ANK2: variants seen among roughly 807,000 people sequenced by gnomAD.
The protein encoded by ANK2 is ankyrin-2.
A neutral mutation model predicts 360.5 loss-of-function variants in ANK2; 83 were observed. That is an observed-to-expected ratio of 0.23 (90% CI 0.19 to 0.28). ANK2 has a LOEUF of 0.28. ANK2 is among the 10% of genes least tolerant of loss of function. ANK2 has a pLI of 1.00. For missense variants in ANK2, 4,201 were observed against 4,795.7 expected (o/e 0.88, Z 3.66); for synonymous variants, 1,740 against 1,759.5 (o/e 0.99, Z 0.28).
chr4:112,758,199 C>A, the ANK2 span, among the ~76,000 whole-genome samples: 1 of 151,906 alleles, frequency 6.6e-6, no homozygotes. Flanking sequence ...CGCGTCCGGC[C>A]AAGATGGATT....
chr4:113,321,832 A>C (rs2086464161), intron 26 of ANK2, among the ~76,000 whole-genome samples: 1 of 152,182 alleles, frequency 6.6e-6, no homozygotes, highest in African/African-American at 2.4e-5. Context: ...TCCCGGGTTC[A>C]AGTGATTCTC....
the ANK2 span, among the ~76,000 whole-genome samples, chr4:112,796,508 C>G: frequency 6.8e-6 from 1 of 147,696 alleles, no homozygotes; most frequent in Non-Finnish European, 1.5e-5. Context: ...ACCTTTTTAA[C>G]TATTAAATTT....
At chr4:113,350,355 CA>C (rs2095327831) in intron 37 of ANK2, 106 bp downstream of exon 37, 3 of 901,826 alleles carry the variant, frequency 3.3e-6, no homozygotes, top group African/African-American at 1.7e-5. Flanking sequence ...ATAGTAATTA[CA>C]TTTTTATATT....
chr4:112,764,544 C>G, the ANK2 span, among the ~76,000 whole-genome samples: 2 of 151,978 alleles, frequency 1.3e-5, no homozygotes, highest in Admixed American at 1.3e-4. Context: ...CCATGTTGAC[C>G]AGGCTGGTCT....
intron 1 of ANK2, among the ~76,000 whole-genome samples, chr4:113,054,657 A>G (rs1355393934): frequency 6.6e-6 from 1 of 152,172 alleles, no homozygotes; most frequent in African/African-American, 2.4e-5. Context: ...AGTCTTTCAA[A>G]TAACTTACCA....
chr4:113,152,065 C>CAAAAAAA (rs1232657248), intron 1 of ANK2, among the ~76,000 whole-genome samples: 129 of 62,084 alleles, frequency 2.1e-3, no homozygotes, highest in East Asian at 0.011. Context: ...GTCTCTGTCT[C>CAAAAAAA]AAAAAAAAAA....
chr4:112,844,327 C>A (rs1333401774), intron 1 of ANK2, among the ~76,000 whole-genome samples: 1 of 152,182 alleles, frequency 6.6e-6, no homozygotes, highest in East Asian at 1.9e-4. Context: ...TTCTTTGCAC[C>A]TTCCTTGTCC....
chr4:113,205,840 GA>G (rs1383314808), intron 4 of ANK2, among the ~76,000 whole-genome samples: 1 of 152,156 alleles, frequency 6.6e-6, no homozygotes. Context: ...CCATTACCTT[GA>G]ATTGCTTCCA....
At chr4:112,745,104 C>T in the ANK2 span, among the ~76,000 whole-genome samples, 1 of 152,252 alleles carries the variant, frequency 6.6e-6, no homozygotes, top group African/African-American at 2.4e-5. Context: ...TATTTGTAAG[C>T]AGACAGTCAA....
At chr4:113,374,173 C>T (rs2096844386) in intron 45 of ANK2, among the ~76,000 whole-genome samples, 1 of 152,214 alleles carries the variant, frequency 6.6e-6, no homozygotes, top group Non-Finnish European at 1.5e-5. Flanking sequence ...ATCCACCCGC[C>T]TCAGCCTCCC....
rs185068361 is a variant in ANK2 at position 113,030,588 on chromosome 4, G to A, written c.21+126074G>A. ...GTAAATGCAGGATTGGACTCAGTGCGAGAAATGAAGGAAAAGAACAGGAGG... is the reference window on the plus strand; with the variant it reads ...GTAAATGCAGGATTGGACTCAGTGCAAGAAATGAAGGAAAAGAACAGGAGG... On this transcript the variant is annotated intron_variant, in intron 2 of 30. Transcript: ENST00000503271. 3.3e-5 allele frequency among the ~76,000 whole-genome samples: 5 copies of A among 152,118 alleles called. No individual in the cohort carries two copies. The East Asian group carries it at 9.7e-4, about 29-fold the overall frequency.
chr4:113,191,722 A>G (rs1390315876), intron 2 of ANK2, among the ~76,000 whole-genome samples: 2 of 152,210 alleles, frequency 1.3e-5, no homozygotes, highest in Non-Finnish European at 2.9e-5. Context: ...CAAATTACAA[A>G]CAGAATTAAC....
the ANK2 span, chr4:112,738,809 T>C: frequency 6.4e-6 from 4 of 625,732 alleles, no homozygotes; most frequent in South Asian, 2.7e-5. Flanking sequence ...ACAGGGTTCA[T>C]AGAAGGTTCA....
chr4:113,057,354 G>A (rs913279313), intron 1 of ANK2, among the ~76,000 whole-genome samples: 1 of 152,194 alleles, frequency 6.6e-6, no homozygotes, highest in Admixed American at 6.5e-5. Context: ...AGAGCCGTAA[G>A]TTATGGCTAA....
At chr4:113,119,076 G>T (rs1261461855) in intron 1 of ANK2, among the ~76,000 whole-genome samples, 2 of 152,172 alleles carry the variant, frequency 1.3e-5, no homozygotes, top group East Asian at 3.9e-4. Context: ...AATCTCAGTT[G>T]CTTGGATGCT....
rs1430157438 is a variant in ANK2 at position 113,356,679 on chromosome 4, T to G, written c.8061T>G (p.Ile2687Met). 1 of 1,614,118 alleles carries G rather than the reference T, an allele frequency of 6.2e-7. No individual in the cohort carries two copies. Among genetic ancestry groups the G allele is most frequent in the Admixed American group, 1.7e-5 (1 of 60,018 alleles). The stretch of plus-strand genomic sequence containing the variant: ...CAGGCCTTTTACCAGAACCAGTGAT[T>G]CGAGTACAACCTCCTTCTCCACTTC... Reference protein sequence around the residue: ...ADSGLLPEPVIRVQPPSPLPS... With the variant: ...ADSGLLPEPVMRVQPPSPLPS... Residue 2687 changes from isoleucine (I) to methionine (M), a missense_variant, in exon 38 of 46, where the codon ATT (isoleucine) becomes ATG (methionine). Ile to Met is a conservative substitution (Grantham distance 10). Around this residue, in one of 4 missense-constraint regions of ANK2, gnomAD observed 2,642 missense variants for 2,714.5 expected, o/e 0.97. Coordinates refer to ENST00000357077, the MANE Select transcript of ANK2 (RefSeq NM_001148.6).
At chr4:113,348,601 T>C (rs949281869) in intron 36 of ANK2, among the ~76,000 whole-genome samples, 5 of 152,262 alleles carry the variant, frequency 3.3e-5, no homozygotes, top group Middle Eastern at 3.4e-3. Context: ...AGAAGACATC[T>C]AGTGGTTGAA....
chr4:113,004,770 A>G (rs2052165628), intron 2 of ANK2, among the ~76,000 whole-genome samples: 1 of 152,230 alleles, frequency 6.6e-6, no homozygotes, highest in African/African-American at 2.4e-5. Context: ...AGGTTTGTCT[A>G]CATCAGCATC....
chr4:112,839,067 T>C (rs2061570851), intron 1 of ANK2, among the ~76,000 whole-genome samples: 1 of 152,182 alleles, frequency 6.6e-6, no homozygotes, highest in Admixed American at 6.5e-5. Flanking sequence ...TTGTAATCTT[T>C]CCATTCTCAG....
Sources: gnomAD v4.1 joint callset for allele counts (sites outside exome capture counted in the v4.1 genomes callset) on GRCh38, gnomAD v4.1.1 for gene constraint, gnomAD v4.1.1 regional missense constraint, MANE v1.5 for transcripts, NCBI Gene and HGNC (gene_info 2026-07-23, HGNC 2026-07-21) for gene names.